Variants in CACNA1G observed in about 807,000 individuals in gnomAD.
The protein encoded by CACNA1G is calcium voltage-gated channel subunit alpha1 G.
In CACNA1G, 67 loss-of-function variants were observed where a neutral mutation model predicts 219.4. The observed-to-expected ratio is 0.31, with a 90% CI of 0.25 to 0.37. CACNA1G has a LOEUF of 0.37. CACNA1G is among the 10% of genes least tolerant of loss of function. The pLI is 1.00. For synonymous variants in CACNA1G, 1,296 were observed against 1,345.3 expected, an observed-to-expected ratio of 0.96 and a Z score of 0.80; for missense variants, 2,380 against 3,231.4, an observed-to-expected ratio of 0.74 and a Z score of 6.39.
At position 50,575,780 on chromosome 17, in the gene CACNA1G, G is replaced by T. The variant is rs1251561827; in HGVS notation, c.1378G>T (p.Val460Leu). 2 of 1,555,110 alleles carry T rather than the reference G, an allele frequency of 1.3e-6. No homozygotes were observed. The highest frequency in any genetic ancestry group is 1.7e-6 in the Non-Finnish European group (2 of 1,149,588). Residue 460 changes from valine to leucine, a missense_variant, in exon 8 of 38, where the codon GTG becomes TTG. Coordinates refer to ENST00000359106, the MANE Select transcript of CACNA1G (RefSeq NM_018896.5). ...RLAQVSRAAG[V>L]RVGLLSSPAP... ...GGCTCAGGTCTCTCGGGCAGCAGGT[G>T]TGCGGGTTGGGCTGCTCAGCAGCCC...
At chr17:50,592,623 ATCACCT>A (rs1384035237) in intron 13 of CACNA1G, among the ~76,000 whole-genome samples, 1 of 152,200 alleles carries the variant, frequency 6.6e-6, no homozygotes, top group Non-Finnish European at 1.5e-5. Context: ...CCCAGGCTCC[ATCACCT>A]TCGTCACAGG....
In CACNA1G at chr17:50,591,628, C is replaced by T. The variant is rs375497166; in HGVS notation, c.2639+8C>T. 1.5e-5 allele frequency: 24 copies of T among 1,611,968 alleles called. No individual in the cohort carries two copies. The highest frequency in any genetic ancestry group is 4.0e-5 in the African/African-American group (3 of 74,890). On this transcript the variant is annotated splice_region_variant and intron_variant, in intron 11 of 37. Coordinates refer to ENST00000359106, the MANE Select transcript of CACNA1G (RefSeq NM_018896.5). The stretch of plus-strand genomic sequence containing the variant: ...CTTCATCTTCATCTTCAGGTGAGGG[C>T]GGCATGGCACCTTGCCGGCTGAGAG...
In CACNA1G at chr17:50,609,941, G is replaced by A. The variant is rs770645279; in HGVS notation, c.4759+6G>A. 45 of 1,609,304 alleles carry A rather than the reference G, an allele frequency of 2.8e-5. No individual in the cohort carries two copies. Among genetic ancestry groups the A allele is most frequent in the East Asian group, 4.5e-5 (2 of 44,896 alleles). ...CTCAGCCAGCGCTGCGTCAGGTACT[G>A]CGTCTGGGGTGTGGGCTCATGCGTG... On this transcript the variant is annotated splice_donor_region_variant and intron_variant, in intron 26 of 37. Coordinates refer to ENST00000359106, the MANE Select transcript of CACNA1G (RefSeq NM_018896.5).
At chr17:50,599,373 G>A in intron 16 of CACNA1G, 55 bp from the exon 17 acceptor site, 1 of 1,440,450 alleles carries the variant, frequency 6.9e-7, no homozygotes, top group South Asian at 1.4e-5. Context: ...GTGCACATGA[G>A]AGGACAGGGC....
At chr17:50,569,539 A>G (rs1339900329) in intron 3 of CACNA1G, among the ~76,000 whole-genome samples, 167 bp from the exon 4 acceptor site, 1 of 151,892 alleles carries the variant, frequency 6.6e-6, no homozygotes, top group Non-Finnish European at 1.5e-5. Context: ...GTCTCGGGGT[A>G]GCCTTGCCCC....
intron 9 of CACNA1G, among the ~76,000 whole-genome samples, chr17:50,587,838 C>T (rs1389530024): frequency 1.3e-5 from 2 of 152,038 alleles, no homozygotes; most frequent in Admixed American, 6.5e-5. Flanking sequence ...CTGGCATCAT[C>T]CTTCTCCATA....
At chr17:50,567,270 G>A (rs1369085670) in intron 1 of CACNA1G, among the ~76,000 whole-genome samples, 1 of 152,148 alleles carries the variant, frequency 6.6e-6, no homozygotes, top group Admixed American at 6.5e-5. Context: ...TTGTGAGGGG[G>A]TGGGGGTTAG....
chr17:50,613,418 G>A (rs1031414167), intron 26 of CACNA1G, among the ~76,000 whole-genome samples: 1 of 152,082 alleles, frequency 6.6e-6, no homozygotes, highest in African/African-American at 2.4e-5. Context: ...CTCCTGCCCC[G>A]CCTTCCTTCT....
At chr17:50,591,391 A>T in intron 10 of CACNA1G, 44 bp from the exon 11 acceptor site, 1 of 1,470,490 alleles carries the variant, frequency 6.8e-7, no homozygotes, top group Non-Finnish European at 9.0e-7. Context: ...GTAGGGGGAG[A>T]GGGTGAAGGT....
chr17:50,595,539 C>T lies in CACNA1G; in HGVS notation c.2979+478C>T, dbSNP rs565612406. ...AAGCTGTCTCAGCTCAGGACAAGTC[C>T]TTGGAGGATGTGGGGATGGGATGTG... On this transcript the variant is annotated intron_variant, in intron 14 of 37. Transcript: ENST00000359106. 1.3e-3 allele frequency among the ~76,000 whole-genome samples: 195 copies of T among 152,370 alleles called. 2 individuals are homozygous for T. In the Middle Eastern group the frequency reaches 0.031, roughly 24 times the overall value.
chr17:50,585,228 C>T (rs2042766262), intron 9 of CACNA1G, among the ~76,000 whole-genome samples: 1 of 152,164 alleles, frequency 6.6e-6, no homozygotes, highest in South Asian at 2.1e-4. Context: ...TCACTACAGC[C>T]TGGAACTTCT....
rs1052963355 is a variant in CACNA1G, at chr17:50,561,520, C to G, written c.61C>G (p.Arg21Gly). ...GTCGGGACAGCCCCGGAGCTTCATGCGGCTCAACGACCTGTCGGGGGCCGG... is the reference window on the plus strand; with the variant it reads ...GTCGGGACAGCCCCGGAGCTTCATGGGGCTCAACGACCTGTCGGGGGCCGG... ...EESGQPRSFM[R>G]LNDLSGAGGR... is the part of the protein sequence containing the mutation. The change falls in exon 1 of 38, where the codon CGG (arginine) becomes GGG (glycine). Residue 21 changes from arginine (R) to glycine (G), a missense_variant. Around this residue, in one of 17 missense-constraint regions of CACNA1G, gnomAD observed 98 missense variants for 85.5 expected, o/e 1.15. Coordinates refer to ENST00000359106, the MANE Select transcript of CACNA1G (RefSeq NM_018896.5). 3 of 1,537,134 alleles carry G rather than the reference C, an allele frequency of 2.0e-6. No individual in the cohort carries two copies. The South Asian group carries it at 3.6e-5, about 18-fold the overall frequency.
chr17:50,616,431 G>A (rs763930551), intron 28 of CACNA1G, 47 bp downstream of exon 28: 1 of 1,127,974 alleles, frequency 8.9e-7, no homozygotes, highest in African/African-American at 1.5e-5. Context: ...GAGATAGAAA[G>A]GAATGAGTCT....
intron 7 of CACNA1G, among the ~76,000 whole-genome samples, chr17:50,575,306 A>G (rs2040421071): frequency 6.6e-6 from 1 of 152,170 alleles, no homozygotes. Context: ...CTTGCTCTGA[A>G]TTAGCTGAGT....
At chr17:50,588,329 A>G (rs2043414420) in intron 9 of CACNA1G, among the ~76,000 whole-genome samples, 1 of 152,202 alleles carries the variant, frequency 6.6e-6, no homozygotes, top group Non-Finnish European at 1.5e-5. Flanking sequence ...ATTGGGCCCC[A>G]CCCCAGCTCT....
chr17:50,599,513 G>A lies in CACNA1G; in HGVS notation c.3344G>A (p.Arg1115His), dbSNP rs765552890. 18 of 1,608,720 alleles carry A rather than the reference G, an allele frequency of 1.1e-5. No homozygotes were observed. The highest frequency in any genetic ancestry group is 2.2e-5 in the East Asian group (1 of 44,710). ...CGCTCCAGCCGGAACAGCCTCGGCC[G>A]TGCACCCAGCCTGAAGCGGAGAAGC... Reference protein sequence around the residue: ...SRRSSRNSLGRAPSLKRRSPS... With the variant: ...SRRSSRNSLGHAPSLKRRSPS... The change falls in exon 17 of 38, where the codon CGT (arginine) becomes CAT (histidine). Residue 1115 changes from arginine to histidine, a missense_variant. By Grantham distance (29) the Arg-to-His change is conservative. Coordinates refer to ENST00000359106, the MANE Select transcript of CACNA1G (RefSeq NM_018896.5).
rs2050904560 is a variant in CACNA1G, at chr17:50,617,834, C to T, written c.5156-25C>T. The stretch of plus-strand genomic sequence containing the variant: ...CTGGCCGGGGACCCAAAGAGGCCAG[C>T]TCATGACGTTGTCCTGTTCTGCAGT... On this transcript the variant is annotated intron_variant, in intron 29 of 37. Coordinates refer to ENST00000359106, the MANE Select transcript of CACNA1G (RefSeq NM_018896.5). This position sits in a 1 kb window ranked among gnomAD's most constrained non-coding sequence, Gnocchi z 5.8. 1 of 1,611,592 alleles carries T rather than the reference C, an allele frequency of 6.2e-7. No individual in the cohort carries two copies. The highest frequency in any genetic ancestry group is 1.3e-5 in the African/African-American group (1 of 74,912).
At chr17:50,606,062 G>T in intron 23 of CACNA1G, 39 bp downstream of exon 23, 1 of 1,613,814 alleles carries the variant, frequency 6.2e-7, no homozygotes, top group South Asian at 1.1e-5. Flanking sequence ...TGGTGAAGGA[G>T]GCTGGAGGGG....
intron 9 of CACNA1G, among the ~76,000 whole-genome samples, chr17:50,582,450 T>G (rs1467736778): frequency 6.6e-6 from 1 of 152,178 alleles, no homozygotes; most frequent in Non-Finnish European, 1.5e-5. Flanking sequence ...GCAGCAAGGA[T>G]GACTCCCAGG....
Sources: allele counts gnomAD v4.1 joint callset (sites outside exome capture counted in the v4.1 genomes callset), GRCh38; gene constraint gnomAD v4.1.1; regional missense constraint gnomAD v4.1.1; non-coding constraint Gnocchi (gnomAD v3.1); transcripts MANE v1.5; gene names NCBI Gene and HGNC (gene_info 2026-07-23, HGNC 2026-07-21).